The following CCDC6 variants were observed in gnomAD, a reference collection of about 807,000 sequenced individuals.
CCDC6 encodes the protein coiled-coil domain containing 6.
In CCDC6, 20 loss-of-function variants were observed where a neutral mutation model predicts 56.6. The ratio of observed to expected loss-of-function variants is 0.35; its 90% confidence interval spans 0.25 to 0.51. The LOEUF is 0.51. Among genes scored for constraint, CCDC6 ranks in the 20% least tolerant of loss-of-function variants. CCDC6 has a pLI of 0.95. For synonymous variants in CCDC6, 241 were observed against 234.4 expected, an observed-to-expected ratio of 1.03 and a Z score of -0.26; for missense variants, 367 against 601.1, an observed-to-expected ratio of 0.61 and a Z score of 4.07.
At chr10:59,903,575 C>T (rs190906954) in intron 1 of CCDC6, among the ~76,000 whole-genome samples, 1 of 152,236 alleles carries the variant, frequency 6.6e-6, no homozygotes, top group Non-Finnish European at 1.5e-5. Context: ...AAGAAGGCCA[C>T]AATCACCTTT....
rs757902015 is a variant in CCDC6 at position 59,847,817 on chromosome 10, C to CTTTT, written c.453+4732_453+4735dup. On this transcript the variant is annotated intron_variant, in intron 2 of 8. Coordinates refer to ENST00000263102, the MANE Select transcript of CCDC6 (RefSeq NM_005436.5). Reference sequence around the variant, plus strand: ...ACATTCTGGAGAATAGCCTTTTAGACTTTTTTTTTTTTTTTTTTTTTTTTA... The same window carrying CTTTT: ...ACATTCTGGAGAATAGCCTTTTAGACTTTTTTTTTTTTTTTTTTTTTTTTTTTTA... 1.9e-3 allele frequency among the ~76,000 whole-genome samples: 197 copies of CTTTT among 104,832 alleles called. 5 individuals are homozygous for CTTTT. The highest frequency in any genetic ancestry group is 6.8e-3 in the African/African-American group (174 of 25,742). 68.8% of individuals were successfully genotyped at this position (104,832 alleles called of 152,430 possible).
Position 59,794,510 on chromosome 10 carries a change from A to G in CCDC6, c.1193T>C (p.Leu398Pro). Residue 398 changes from leucine to proline, a missense_variant, in exon 8 of 9, where the codon CTT becomes CCT. Leu to Pro is a moderately conservative substitution (Grantham distance 98). Around this residue, in one of 7 missense-constraint regions of CCDC6, gnomAD observed 79 missense variants for 83.9 expected, o/e 0.94. Transcript: ENST00000263102. ...AGMSYYNSPG[L>P]HVQHMGTSHG... is the part of the protein sequence containing the mutation. ...GGATGTTCCCATGTGCTGCACGTGA[A>G]GACCCGGGGAATTGTAATAAGACAT... 1.2e-6 allele frequency: 2 copies of G among 1,614,190 alleles called. No homozygotes were observed. Among genetic ancestry groups the G allele is most frequent in the Non-Finnish European group, 1.7e-6 (2 of 1,179,992 alleles).
chr10:59,900,561 C>A (rs555508757), intron 1 of CCDC6, among the ~76,000 whole-genome samples: 1 of 152,236 alleles, frequency 6.6e-6, no homozygotes, highest in South Asian at 2.1e-4. Context: ...CCTGGTAAAC[C>A]ACCAGAAGGT....
intron 3 of CCDC6, among the ~76,000 whole-genome samples, chr10:59,822,357 G>C (rs1443749831): frequency 6.6e-6 from 1 of 151,000 alleles, no homozygotes; most frequent in Non-Finnish European, 1.5e-5. Flanking sequence ...ACAGTTTCTA[G>C]TCTTAACATT....
chr10:59,895,658 G>A (rs1323934058), intron 1 of CCDC6, among the ~76,000 whole-genome samples: 1 of 152,176 alleles, frequency 6.6e-6, no homozygotes, highest in Non-Finnish European at 1.5e-5. Flanking sequence ...AATTCTGTAA[G>A]CTTTCTTTTT....
intron 1 of CCDC6, among the ~76,000 whole-genome samples, chr10:59,882,756 C>G (rs1171058860): frequency 1.3e-5 from 2 of 152,092 alleles, no homozygotes; most frequent in Non-Finnish European, 2.9e-5. Flanking sequence ...GTTAGGAGAT[C>G]GAGACCATTC....
chr10:59,797,588 CAAAAAAAAAAA>C (rs10561094), intron 7 of CCDC6, among the ~76,000 whole-genome samples: 10 of 31,596 alleles, frequency 3.2e-4, no homozygotes, highest in African/African-American at 1.2e-3. Context: ...AACCTCCTAG[CAAAAAAAAAAA>C]AAAAAAAAAA....
At chr10:59,799,419 C>CT (rs371358919) in intron 7 of CCDC6, among the ~76,000 whole-genome samples, 4 of 152,256 alleles carry the variant, frequency 2.6e-5, no homozygotes, top group African/African-American at 7.2e-5. Flanking sequence ...GAGCAAGACT[C>CT]TATCTCGAAA....
chr10:59,815,016 A>T lies in CCDC6; in HGVS notation c.583-261T>A, dbSNP rs557046752. Among the ~76,000 whole-genome samples, 3 of 152,280 alleles carry T rather than the reference A, an allele frequency of 2.0e-5. No homozygotes were observed. The South Asian group carries it at 6.2e-4, about 32-fold the overall frequency. On this transcript the variant is annotated intron_variant, in intron 3 of 8. Transcript: ENST00000263102. ...TTCAGCATTTATTCAAGGCAAGTGG[A>T]AAGTCCTCCTTAGAGAGGTCTTTAG...
intron 2 of CCDC6, among the ~76,000 whole-genome samples, chr10:59,840,462 T>C (rs1302272248): frequency 2.0e-5 from 3 of 152,230 alleles, no homozygotes; most frequent in African/African-American, 7.2e-5. Flanking sequence ...GTTTTCCTTA[T>C]GATATGTCTC....
intron 1 of CCDC6, among the ~76,000 whole-genome samples, chr10:59,883,344 G>A (rs1258767270): frequency 6.6e-6 from 1 of 152,110 alleles, no homozygotes; most frequent in Admixed American, 6.5e-5. Context: ...ACCTCCAAGT[G>A]AAATGATGGT....
Position 59,792,821 on chromosome 10 carries a change from GT to G in CCDC6, c.*95del, listed in dbSNP as rs748897600. ...GCCTAGATAACCTCAGTGCAAATAA[GT>G]CATATCCAAATATGCCAGAGAAGGA... On this transcript the variant is annotated 3_prime_UTR_variant, in exon 9 of 9. Transcript: ENST00000263102. 3.5e-5 allele frequency: 44 copies of G among 1,239,478 alleles called. No homozygotes were observed. Among genetic ancestry groups the G allele is most frequent in the Non-Finnish European group, 4.9e-5 (41 of 840,188 alleles). The allele number at this position is 1,239,478 out of a possible 1,614,324, so 76.8% of individuals were successfully genotyped here. A position where few individuals can be genotyped will look rare whatever the true frequency, so the allele number is the denominator to read the frequency against.
At chr10:59,843,432 A>G (rs1421935854) in intron 2 of CCDC6, among the ~76,000 whole-genome samples, 1 of 152,254 alleles carries the variant, frequency 6.6e-6, no homozygotes, top group Admixed American at 6.5e-5. Context: ...TAACATTTGA[A>G]TGTCTACAAG....
At chr10:59,898,047 T>TA (rs1303917448) in intron 1 of CCDC6, among the ~76,000 whole-genome samples, 10 of 152,194 alleles carry the variant, frequency 6.6e-5, no homozygotes, top group Non-Finnish European at 1.2e-4. Flanking sequence ...ACTGCTTTTG[T>TA]AAAAAACTAG....
intron 1 of CCDC6, among the ~76,000 whole-genome samples, chr10:59,881,789 T>C (rs887072011): frequency 3.3e-5 from 5 of 152,156 alleles, no homozygotes; most frequent in African/African-American, 1.2e-4. Flanking sequence ...AAAACAATTT[T>C]CTTGTGAGAG....
chr10:59,796,839 C>T (rs1459495941), intron 7 of CCDC6, among the ~76,000 whole-genome samples: 1 of 151,906 alleles, frequency 6.6e-6, no homozygotes, highest in Non-Finnish European at 1.5e-5. Flanking sequence ...GGCATGGTGG[C>T]GGGTGCCTGT....
At chr10:59,838,872 T>A (rs1436961716) in intron 2 of CCDC6, among the ~76,000 whole-genome samples, 1 of 152,158 alleles carries the variant, frequency 6.6e-6, no homozygotes, top group African/African-American at 2.4e-5. Context: ...GGGGATAGCA[T>A]AAAAGACTTC....
chr10:59,873,027 C>A (rs2071244946), intron 1 of CCDC6, among the ~76,000 whole-genome samples: 1 of 152,132 alleles, frequency 6.6e-6, no homozygotes, highest in South Asian at 2.1e-4. Flanking sequence ...AGGCTCTTTG[C>A]AGCTTTATCA....
chr10:59,900,020 C>T (rs1338550414), intron 1 of CCDC6, among the ~76,000 whole-genome samples: 4 of 152,188 alleles, frequency 2.6e-5, no homozygotes, highest in African/African-American at 9.7e-5. Flanking sequence ...AGTGTTGGCA[C>T]CTTCATCACA....
Sources: gnomAD v4.1 joint callset for allele counts (sites outside exome capture counted in the v4.1 genomes callset) on GRCh38, gnomAD v4.1.1 for gene constraint, gnomAD v4.1.1 regional missense constraint, MANE v1.5 for transcripts, NCBI Gene and HGNC (gene_info 2026-07-23, HGNC 2026-07-21) for gene names.